Variants in PTPRD observed in about 807,000 individuals in gnomAD.
PTPRD encodes the protein protein tyrosine phosphatase receptor type D.
Under a neutral mutation model 214.5 loss-of-function variants are expected in PTPRD, and 34 were observed. That is an observed-to-expected ratio of 0.16 (90% confidence interval 0.12 to 0.21). PTPRD has a LOEUF of 0.21. PTPRD is among the 10% of genes least tolerant of loss of function. The pLI is 1.00. For missense variants in PTPRD, 2,545 were observed against 2,398.7 expected (o/e 1.06, Z -1.27); for synonymous variants, 1,128 against 845.7 (o/e 1.33, Z -5.79).
chr9:9,319,510 A>C (rs1236825665), intron 9 of PTPRD, among the ~76,000 whole-genome samples: 3 of 152,214 alleles, frequency 2.0e-5, no homozygotes, highest in African/African-American at 7.2e-5. Context: ...GACTAGCAGA[A>C]ATTCTGGTAA....
chr9:9,861,979 A>C (rs557135502), intron 5 of PTPRD, among the ~76,000 whole-genome samples: 3 of 152,320 alleles, frequency 2.0e-5, no homozygotes, highest in African/African-American at 7.2e-5. Context: ...TTTTATTATG[A>C]GTAACAATGT....
chr9:10,504,115 C>CAACAAAAAA (rs1555439817), intron 2 of PTPRD, among the ~76,000 whole-genome samples: 1 of 26,970 alleles, frequency 3.7e-5, no homozygotes, highest in Admixed American at 7.7e-4. Context: ...GACTCTGTCT[C>CAACAAAAAA]AAAAAAAAAA....
chr9:8,880,774 T>A (rs919390594), intron 11 of PTPRD, among the ~76,000 whole-genome samples: 1 of 152,170 alleles, frequency 6.6e-6, no homozygotes, highest in African/African-American at 2.4e-5. Context: ...TATAATATTA[T>A]CTCTATGGTG....
At chr9:8,437,199 T>C (rs190764618) in intron 34 of PTPRD, 4 of 1,523,850 alleles carry the variant, frequency 2.6e-6, no homozygotes, top group Non-Finnish European at 3.5e-6. Context: ...AAAACTAACT[T>C]GAAGAATGAA....
intron 39 of PTPRD, among the ~76,000 whole-genome samples, chr9:8,363,548 G>A (rs929510630): frequency 6.6e-6 from 1 of 151,318 alleles, no homozygotes; most frequent in African/African-American, 2.5e-5. Context: ...CTATTTTATA[G>A]ATTGACCAAA....
chr9:10,112,401 A>C (rs749193938), intron 3 of PTPRD, among the ~76,000 whole-genome samples: 1 of 152,208 alleles, frequency 6.6e-6, no homozygotes, highest in Non-Finnish European at 1.5e-5. Flanking sequence ...AGATTTGTTC[A>C]ATGATGTATC....
At chr9:9,945,198 G>C (rs2092375845) in intron 4 of PTPRD, among the ~76,000 whole-genome samples, 1 of 152,106 alleles carries the variant, frequency 6.6e-6, no homozygotes. Context: ...ACGTGGAAGT[G>C]TCAGTTGTAA....
chr9:9,927,565 T>G (rs186629815), intron 5 of PTPRD, among the ~76,000 whole-genome samples: 18 of 152,248 alleles, frequency 1.2e-4, no homozygotes, highest in African/African-American at 4.1e-4. Context: ...TCTCCTTATC[T>G]TTTAGCACCT....
At chr9:8,359,234 T>C (rs1329078956) in intron 39 of PTPRD, among the ~76,000 whole-genome samples, 2 of 150,846 alleles carry the variant, frequency 1.3e-5, no homozygotes, top group East Asian at 3.9e-4. Flanking sequence ...ATCAGCAGCA[T>C]GTAGGAAACT....
intron 12 of PTPRD, among the ~76,000 whole-genome samples, chr9:8,715,508 G>C (rs1302285163): frequency 5.9e-5 from 9 of 152,166 alleles, no homozygotes; most frequent in Admixed American, 5.9e-4. Context: ...TAACAAACTT[G>C]ACCAAGACCA....
At chr9:9,682,878 G>A (rs941514054) in intron 7 of PTPRD, among the ~76,000 whole-genome samples, 14 of 151,634 alleles carry the variant, frequency 9.2e-5, no homozygotes, top group Non-Finnish European at 1.6e-4. Context: ...ATATTTACAG[G>A]GAAAAAGAGA....
At chr9:9,967,163 A>T (rs768717521) in intron 4 of PTPRD, among the ~76,000 whole-genome samples, 9 of 152,136 alleles carry the variant, frequency 5.9e-5, no homozygotes, top group African/African-American at 1.2e-4. Context: ...GCACATTCTT[A>T]GACAAATGCC....
At chr9:10,310,941 C>T (rs1364486151) in intron 3 of PTPRD, among the ~76,000 whole-genome samples, 1 of 151,998 alleles carries the variant, frequency 6.6e-6, no homozygotes, top group East Asian at 1.9e-4. Context: ...TGTACCTATG[C>T]ATTCAAACTT....
intron 3 of PTPRD, among the ~76,000 whole-genome samples, chr9:10,169,882 A>G (rs1046103953): frequency 1.3e-5 from 2 of 152,218 alleles, no homozygotes; most frequent in African/African-American, 4.8e-5. Flanking sequence ...GGTGATTCCA[A>G]GTGGGTCAAA....
intron 33 of PTPRD, among the ~76,000 whole-genome samples, chr9:8,458,210 C>T (rs977703375): frequency 1.3e-5 from 2 of 152,064 alleles, no homozygotes; most frequent in African/African-American, 4.8e-5. Flanking sequence ...TATGATACTT[C>T]TTTTTGTGGG....
At chr9:9,580,775 C>A (rs1438060904) in intron 7 of PTPRD, among the ~76,000 whole-genome samples, 1 of 151,992 alleles carries the variant, frequency 6.6e-6, no homozygotes, top group Non-Finnish European at 1.5e-5. Flanking sequence ...TCTCAAACTC[C>A]TGACCTCTTG....
intron 11 of PTPRD, among the ~76,000 whole-genome samples, chr9:8,951,597 T>C (rs2099102564): frequency 2.0e-5 from 3 of 152,044 alleles, no homozygotes. Flanking sequence ...CTATGTCTAA[T>C]GTTCTTTATT....
At chr9:9,966,341 G>T (rs1040970097) in intron 4 of PTPRD, among the ~76,000 whole-genome samples, 1 of 152,064 alleles carries the variant, frequency 6.6e-6, no homozygotes, top group East Asian at 1.9e-4. Flanking sequence ...CATAGACCTC[G>T]TGATTATTTT....
chr9:8,354,400 A>T (rs184412231), intron 39 of PTPRD, among the ~76,000 whole-genome samples: 1 of 152,226 alleles, frequency 6.6e-6, no homozygotes, highest in Non-Finnish European at 1.5e-5. Flanking sequence ...AAATTTCATG[A>T]AATAACACCA....
Sources: gnomAD v4.1 joint callset for allele counts (sites outside exome capture counted in the v4.1 genomes callset) on GRCh38, gnomAD v4.1.1 for gene constraint, MANE v1.5 for transcripts, NCBI Gene and HGNC (gene_info 2026-07-23, HGNC 2026-07-21) for gene names.